FBXL2: variants seen among roughly 807,000 people sequenced by gnomAD.
The protein encoded by FBXL2 is F-box/LRR-repeat protein 2.
Under a neutral mutation model 69.2 loss-of-function variants are expected in FBXL2, and 38 were observed. The ratio of observed to expected loss-of-function variants is 0.55; its 90% confidence interval spans 0.42 to 0.72. FBXL2 has a LOEUF of 0.72. Ranked by LOEUF, FBXL2 falls within the 30% of genes least tolerant of loss-of-function variation. The pLI is 0.00. For missense variants in FBXL2, 354 were observed against 520.3 expected (o/e 0.68, Z 3.11); for synonymous variants, 192 against 201.3 (o/e 0.95, Z 0.39).
At chr3:33,345,025 A>G (rs994380556) in intron 2 of FBXL2, among the ~76,000 whole-genome samples, 1 of 152,226 alleles carries the variant, frequency 6.6e-6, no homozygotes, top group Non-Finnish European at 1.5e-5. Flanking sequence ...GATAGAAACA[A>G]TGAAAGTCTT....
At chr3:33,329,516 A>G (rs2038985772) in intron 2 of FBXL2, among the ~76,000 whole-genome samples, 1 of 151,240 alleles carries the variant, frequency 6.6e-6, no homozygotes, top group South Asian at 2.1e-4. Flanking sequence ...GGAATTAACT[A>G]AGTGTCCATC....
chr3:33,403,484 ATC>A (rs1559675045), exon 13 of FBXL2: 3 of 32,734 alleles, frequency 9.2e-5, no homozygotes, highest in Non-Finnish European at 2.2e-4. Context: ...TACTACATCT[ATC>A]TCTATCTATC....
the FBXL2 span, among the ~76,000 whole-genome samples, chr3:33,420,390 A>G: frequency 1.3e-5 from 2 of 151,950 alleles, no homozygotes; most frequent in East Asian, 1.9e-4. Context: ...CAGTGGTGCA[A>G]TCTGGGCTCA....
chr3:33,414,610 A>G, the FBXL2 span, among the ~76,000 whole-genome samples: 2 of 152,302 alleles, frequency 1.3e-5, no homozygotes, highest in East Asian at 3.9e-4. Context: ...AAACTCTAGA[A>G]ATTTGAAGCA....
At chr3:33,377,392 G>C (rs1373779234) in intron 11 of FBXL2, 59 bp downstream of exon 11, 2 of 1,553,654 alleles carry the variant, frequency 1.3e-6, no homozygotes, top group Non-Finnish European at 1.8e-6. Flanking sequence ...AATTCAAAGT[G>C]ACTTGGAGTG....
chr3:33,308,866 A>G (rs541714326), intron 2 of FBXL2, among the ~76,000 whole-genome samples: 133 of 152,264 alleles, frequency 8.7e-4, no homozygotes, highest in African/African-American at 2.3e-3. Context: ...GTTGTACAGA[A>G]GCATGTTGTT....
downstream of FBXL2, among the ~76,000 whole-genome samples, chr3:33,404,953 A>G (rs2044377547): frequency 6.6e-6 from 1 of 152,168 alleles, no homozygotes; most frequent in African/African-American, 2.4e-5. Context: ...TAATATTTCT[A>G]TTTTTACATG....
chr3:33,288,323 A>T (rs2034862092), intron 1 of FBXL2, among the ~76,000 whole-genome samples: 1 of 152,222 alleles, frequency 6.6e-6, no homozygotes, highest in Non-Finnish European at 1.5e-5. Flanking sequence ...TGTTCTAGTC[A>T]GTGGATATCC....
At chr3:33,339,096 A>C (rs2039815533) in intron 2 of FBXL2, among the ~76,000 whole-genome samples, 1 of 152,134 alleles carries the variant, frequency 6.6e-6, no homozygotes, top group African/African-American at 2.4e-5. Context: ...AAACAAAAAA[A>C]CCCTTTTAAA....
intron 1 of FBXL2, among the ~76,000 whole-genome samples, chr3:33,282,716 A>AT (rs1156765904): frequency 6.6e-6 from 1 of 151,998 alleles, no homozygotes; most frequent in African/African-American, 2.4e-5. Context: ...GTCCTCTTTT[A>AT]TTTTGTTGAG....
the FBXL2 span, among the ~76,000 whole-genome samples, chr3:33,410,173 T>G: frequency 6.6e-6 from 1 of 152,232 alleles, no homozygotes; most frequent in Admixed American, 6.5e-5. Flanking sequence ...CAAAGTCCAT[T>G]CAGGATCCAG....
chr3:33,409,611 G>C, the FBXL2 span: 3 of 1,613,856 alleles, frequency 1.9e-6, no homozygotes, highest in East Asian at 2.2e-5. Context: ...CCTATAAAAC[G>C]ATTCAGGCTG....
At position 33,387,823 on chromosome 3, in the gene FBXL2, C is replaced by G. The variant is rs1204863620; in HGVS notation, c.*2215C>G. On this transcript the variant is annotated 3_prime_UTR_variant, in exon 15 of 15. Coordinates refer to ENST00000484457, the MANE Select transcript of FBXL2 (RefSeq NM_012157.5). ...GTGGCTCACGCCTGTAATCCCAGCA[C>G]TTTGGGAGGCAGAGGCGGGCGGATC... The G allele has an allele frequency of 6.6e-6, 1 of 152,178 alleles. No individual in the cohort carries two copies. The highest frequency in any genetic ancestry group is 1.5e-5 in the Non-Finnish European group (1 of 68,138). 9.4% of individuals were successfully genotyped at this position (152,178 alleles called of 1,614,324 possible).
At chr3:33,329,518 G>A (rs897056250) in intron 2 of FBXL2, among the ~76,000 whole-genome samples, 1 of 151,168 alleles carries the variant, frequency 6.6e-6, no homozygotes, top group African/African-American at 2.4e-5. Context: ...AATTAACTAA[G>A]TGTCCATCAG....
At chr3:33,339,986 A>G (rs750355473) in intron 2 of FBXL2, among the ~76,000 whole-genome samples, 1 of 152,224 alleles carries the variant, frequency 6.6e-6, no homozygotes, top group Non-Finnish European at 1.5e-5. Flanking sequence ...GCATGGACAA[A>G]TTTCACAGAC....
chr3:33,373,408 C>T (rs2042425222), intron 7 of FBXL2, 53 bp downstream of exon 7: 12 of 1,535,846 alleles, frequency 7.8e-6, no homozygotes, highest in Non-Finnish European at 1.1e-5. Flanking sequence ...TATGAACATT[C>T]TGGAAACCTT....
At chr3:33,394,170 C>A (rs1008424125) in intron 12 of FBXL2, among the ~76,000 whole-genome samples, 1 of 149,200 alleles carries the variant, frequency 6.7e-6, no homozygotes. Context: ...TGGGGGCACA[C>A]GCCACCATGC....
At chr3:33,390,452 A>G (rs2043714522), downstream of FBXL2, 3 of 1,417,410 alleles carry the variant, frequency 2.1e-6, no homozygotes, top group Non-Finnish European at 3.0e-6. Flanking sequence ...GCCAACTACA[A>G]CCTCCCTTCC....
intron 4 of FBXL2, 124 bp from the exon 5 acceptor site, chr3:33,364,500 GT>G (rs2041829502): frequency 1.2e-6 from 1 of 852,144 alleles, no homozygotes; most frequent in South Asian, 1.6e-5. Context: ...TTACAGGAAT[GT>G]TCCAAAATAT....
Sources: allele counts gnomAD v4.1 joint callset (sites outside exome capture counted in the v4.1 genomes callset), GRCh38; gene constraint gnomAD v4.1.1; transcripts MANE v1.5; gene names NCBI Gene and HGNC (gene_info 2026-07-23, HGNC 2026-07-21).